The following PDE1C variants were observed in gnomAD, a reference collection of about 807,000 sequenced individuals.
PDE1C encodes phosphodiesterase 1C, also known as dual specificity calcium/calmodulin-dependent 3',5'-cyclic nucleotide phosphodiesterase 1C.
Under a neutral mutation model 93.1 loss-of-function variants are expected in PDE1C, and 62 were observed. The ratio of observed to expected loss-of-function variants is 0.67; its 90% confidence interval spans 0.54 to 0.82. The LOEUF is 0.82. Among genes scored for constraint, PDE1C ranks in the 40% least tolerant of loss-of-function variants. PDE1C has a pLI of 0.00. For synonymous variants in PDE1C, 325 were observed against 310.1 expected, an observed-to-expected ratio of 1.05 and a Z score of -0.50; for missense variants, 742 against 884.6, an observed-to-expected ratio of 0.84 and a Z score of 2.04.
chr7:31,683,453 G>GAC, the PDE1C span, among the ~76,000 whole-genome samples: 1 of 151,466 alleles, frequency 6.6e-6, no homozygotes, highest in East Asian at 1.9e-4. Context: ...GATAATAAAT[G>GAC]ACATCAGATT....
At chr7:31,990,183 T>C (rs1783980449) in intron 2 of PDE1C, among the ~76,000 whole-genome samples, 1 of 152,186 alleles carries the variant, frequency 6.6e-6, no homozygotes, top group Non-Finnish European at 1.5e-5. Flanking sequence ...TCACTTTGAA[T>C]TGTAATAATT....
At chr7:32,310,656 G>C (rs556348983) in intron 1 of PDE1C, among the ~76,000 whole-genome samples, 6 of 151,976 alleles carry the variant, frequency 3.9e-5, no homozygotes, top group African/African-American at 1.4e-4. Context: ...ATGACTACTG[G>C]GTACATAATG....
intron 1 of PDE1C, among the ~76,000 whole-genome samples, chr7:32,385,419 A>G (rs1162181272): frequency 6.6e-6 from 1 of 152,174 alleles, no homozygotes; most frequent in African/African-American, 2.4e-5. Flanking sequence ...AATACTTCCA[A>G]TATTTCAAAG....
At position 31,873,363 on chromosome 7, in the gene PDE1C, T is replaced by C. The variant is rs754298329; in HGVS notation, c.538A>G (p.Ser180Gly). 6.2e-7 allele frequency: 1 copy of C among 1,613,820 alleles called. No individual in the cohort carries two copies. The highest frequency in any genetic ancestry group is 8.5e-7 in the Non-Finnish European group (1 of 1,179,778). The change falls in exon 6 of 18, where the codon AGT becomes GGT. Residue 180 changes from serine (S) to glycine (G), a missense_variant. Coordinates refer to ENST00000396191, the MANE Select transcript of PDE1C (RefSeq NM_001191057.4). The stretch of plus-strand genomic sequence containing the variant: ...ATAAATTTCAGTGCATGATCCCCAC[T>C]GGCCTCATTGAGGGAAAAGACGTCA... Reference protein sequence around the residue: ...SFDVFSLNEASGDHALKFIFY... With the variant: ...SFDVFSLNEAGGDHALKFIFY...
the PDE1C span, among the ~76,000 whole-genome samples, chr7:31,622,695 G>C: frequency 1.3e-5 from 2 of 151,992 alleles, no homozygotes; most frequent in Admixed American, 1.3e-4. Flanking sequence ...ACAATTAAAA[G>C]AACTAGAAAA....
chr7:32,192,297 G>T (rs1467440650), intron 2 of PDE1C, among the ~76,000 whole-genome samples: 1 of 152,032 alleles, frequency 6.6e-6, no homozygotes, highest in African/African-American at 2.4e-5. Context: ...AAGTCCCAAA[G>T]ATTTTCTGTT....
intron 3 of PDE1C, among the ~76,000 whole-genome samples, chr7:32,095,660 T>C (rs1797713506): frequency 1.3e-5 from 2 of 152,368 alleles, no homozygotes; most frequent in South Asian, 4.1e-4. Flanking sequence ...CCAAATATGC[T>C]GCTTCTAGCA....
intron 1 of PDE1C, among the ~76,000 whole-genome samples, chr7:32,285,159 T>C (rs1811919562): frequency 6.6e-6 from 1 of 152,256 alleles, no homozygotes; most frequent in East Asian, 1.9e-4. Context: ...TTGGTTTTTA[T>C]GCAGCCAGCC....
chr7:32,283,910 A>AGACT (rs1264344331), intron 1 of PDE1C, among the ~76,000 whole-genome samples: 1 of 152,246 alleles, frequency 6.6e-6, no homozygotes, highest in African/African-American at 2.4e-5. Flanking sequence ...TGTAGCGCTC[A>AGACT]GACTGACTGC....
intron 16 of PDE1C, among the ~76,000 whole-genome samples, chr7:31,790,779 C>T (rs745797190): frequency 2.0e-5 from 3 of 152,076 alleles, no homozygotes; most frequent in African/African-American, 4.8e-5. Flanking sequence ...CTGAGTTCTC[C>T]ACTGGACCCA....
At chr7:32,201,733 T>C (rs917055015) in intron 2 of PDE1C, among the ~76,000 whole-genome samples, 5 of 152,290 alleles carry the variant, frequency 3.3e-5, no homozygotes, top group Non-Finnish European at 7.4e-5. Context: ...GGCAAAGCAG[T>C]CTTTAAAATT....
chr7:31,684,206 A>G, the PDE1C span, among the ~76,000 whole-genome samples: 1 of 152,206 alleles, frequency 6.6e-6, no homozygotes, highest in Non-Finnish European at 1.5e-5. Context: ...CAACAGCCCG[A>G]ACTTGGGAGT....
chr7:31,942,069 G>T (rs565202378), intron 2 of PDE1C, among the ~76,000 whole-genome samples: 5 of 152,250 alleles, frequency 3.3e-5, no homozygotes, highest in Non-Finnish European at 7.4e-5. Context: ...TGGAGGAAGG[G>T]AGGAAATCTT....
At chr7:31,628,550 C>A in the PDE1C span, among the ~76,000 whole-genome samples, 1 of 151,702 alleles carries the variant, frequency 6.6e-6, no homozygotes, top group East Asian at 1.9e-4. Flanking sequence ...CTCTGCTTCC[C>A]GGGTTCACGC....
At chr7:32,028,015 A>G (rs1396458092) in intron 2 of PDE1C, among the ~76,000 whole-genome samples, 1 of 152,170 alleles carries the variant, frequency 6.6e-6, no homozygotes, top group Non-Finnish European at 1.5e-5. Flanking sequence ...TGCAAAATCA[A>G]TCCTGGCTCA....
chr7:31,809,855 T>C (rs938724399), intron 15 of PDE1C, among the ~76,000 whole-genome samples: 1 of 152,138 alleles, frequency 6.6e-6, no homozygotes. Context: ...TCACAGTACC[T>C]AGGCTTGAAT....
chr7:32,093,186 C>T (rs986258032), intron 3 of PDE1C, among the ~76,000 whole-genome samples: 7 of 152,210 alleles, frequency 4.6e-5, no homozygotes, highest in Admixed American at 4.6e-4. Context: ...GAGGGTTTAC[C>T]TTTCAGAAGA....
chr7:32,379,013 G>C (rs1354382977), intron 1 of PDE1C, among the ~76,000 whole-genome samples: 1 of 152,132 alleles, frequency 6.6e-6, no homozygotes, highest in Non-Finnish European at 1.5e-5. Context: ...GCTCCCCATT[G>C]CTCTTATTAT....
At chr7:32,124,746 G>A (rs903446120) in intron 3 of PDE1C, among the ~76,000 whole-genome samples, 3 of 152,138 alleles carry the variant, frequency 2.0e-5, no homozygotes, top group South Asian at 2.1e-4. Context: ...AAAGACTTAA[G>A]TGTAAAGCCC....
Sources: gnomAD v4.1 joint callset for allele counts (sites outside exome capture counted in the v4.1 genomes callset) on GRCh38, gnomAD v4.1.1 for gene constraint, MANE v1.5 for transcripts, NCBI Gene and HGNC (gene_info 2026-07-23, HGNC 2026-07-21) for gene names.